The following NXN variants were observed in gnomAD, a reference collection of about 807,000 sequenced individuals.
The protein encoded by NXN is nucleoredoxin.
A neutral mutation model predicts 48.6 loss-of-function variants in NXN; 16 were observed. The observed-to-expected ratio is 0.33, with a 90% CI of 0.22 to 0.50. NXN has a LOEUF of 0.50. Among genes scored for constraint, NXN ranks in the 20% least tolerant of loss-of-function variants. The probability of loss-of-function intolerance (pLI) is 0.98; values close to 1 mark genes in which losing one functional copy is unlikely to be tolerated. For synonymous variants in NXN, 281 were observed against 269.6 expected (o/e 1.04, Z -0.41); for missense variants, 492 against 605.5 (o/e 0.81, Z 1.97).
At chr17:959,079 G>A (rs939090354) in intron 1 of NXN, 7 of 299,806 alleles carry the variant, frequency 2.3e-5, no homozygotes, top group South Asian at 7.3e-5. Flanking sequence ...CATCACGGGC[G>A]GTGTGGCTGG....
chr17:890,699 A>G (rs1388944214), intron 1 of NXN, among the ~76,000 whole-genome samples: 1 of 151,862 alleles, frequency 6.6e-6, no homozygotes, highest in Admixed American at 6.6e-5. Context: ...TTTCAAAATA[A>G]TATTTTTCTG....
intron 1 of NXN, among the ~76,000 whole-genome samples, chr17:907,277 T>C (rs2068589699): frequency 6.6e-6 from 1 of 152,080 alleles, no homozygotes; most frequent in African/African-American, 2.4e-5. Context: ...GAATTACCTG[T>C]GAATTTAGGT....
chr17:878,487 C>CG (rs2068244810), intron 1 of NXN, among the ~76,000 whole-genome samples: 1 of 7,326 alleles, frequency 1.4e-4, no homozygotes. Flanking sequence ...GGTGTGGGGG[C>CG]AGGGGAGGGG....
At chr17:851,307 A>G (rs1389601779) in intron 1 of NXN, among the ~76,000 whole-genome samples, 1 of 152,266 alleles carries the variant, frequency 6.6e-6, no homozygotes, top group Admixed American at 6.5e-5. Flanking sequence ...ACGCCAGGAC[A>G]AAAGACAGCG....
At chr17:915,382 C>T (rs2068678241) in intron 1 of NXN, among the ~76,000 whole-genome samples, 1 of 152,178 alleles carries the variant, frequency 6.6e-6, no homozygotes. Context: ...CTCCTGGGCT[C>T]AGACAATCCT....
rs1317762181 is a variant in NXN, at chr17:925,019, C to CT, written c.360+54299dup. On this transcript the variant is annotated intron_variant, in intron 1 of 7. Coordinates refer to ENST00000336868, the MANE Select transcript of NXN (RefSeq NM_022463.5). ...TTTGCTTTGAGGTTTGGCCCAGGGCCTTGGGAGCAGCCGGCGGATTCAGGT... is the reference window on the plus strand; with the variant it reads ...TTTGCTTTGAGGTTTGGCCCAGGGCCTTTGGGAGCAGCCGGCGGATTCAGGT... 5.3e-5 allele frequency among the ~76,000 whole-genome samples: 8 copies of CT among 152,340 alleles called. No individual in the cohort carries two copies. In the East Asian group the frequency reaches 1.5e-3, roughly 29 times the overall value.
At chr17:866,915 G>A (rs989942635) in intron 1 of NXN, among the ~76,000 whole-genome samples, 1 of 152,220 alleles carries the variant, frequency 6.6e-6, no homozygotes, top group African/African-American at 2.4e-5. Context: ...CTGCGGGTCA[G>A]AACATGTGAG....
At chr17:875,548 T>C (rs534003609) in intron 1 of NXN, among the ~76,000 whole-genome samples, 1 of 152,218 alleles carries the variant, frequency 6.6e-6, no homozygotes, top group South Asian at 2.1e-4. Context: ...GAAGATCGAA[T>C]CAGACTAGTG....
intron 1 of NXN, among the ~76,000 whole-genome samples, chr17:934,515 T>C (rs6598836): frequency 0.54 from 79,996 of 149,278 alleles, 22,399 homozygotes; most frequent in East Asian, 0.74. Flanking sequence ...TAGAAAGTCA[T>C]TTCTGGAAAA....
intron 1 of NXN, among the ~76,000 whole-genome samples, chr17:859,127 A>G (rs2068016743): frequency 1.3e-5 from 2 of 152,326 alleles, no homozygotes; most frequent in Non-Finnish European, 2.9e-5. Context: ...AAACGGAGCA[A>G]GCTATTCCAG....
chr17:922,188 T>A (rs2068756503), intron 1 of NXN, among the ~76,000 whole-genome samples: 1 of 152,184 alleles, frequency 6.6e-6, no homozygotes, highest in Non-Finnish European at 1.5e-5. Context: ...ACGTCTGTAA[T>A]CCTAACACTT....
chr17:924,143 A>G (rs2068774649), intron 1 of NXN, among the ~76,000 whole-genome samples: 1 of 151,874 alleles, frequency 6.6e-6, no homozygotes, highest in African/African-American at 2.4e-5. Context: ...TTCTGGGCTC[A>G]AGGGTCTTCC....
chr17:945,497 G>A (rs1375519595), intron 1 of NXN, among the ~76,000 whole-genome samples: 2 of 151,422 alleles, frequency 1.3e-5, no homozygotes, highest in African/African-American at 2.4e-5. Context: ...CGGGCGTGGT[G>A]GCGGGCGCCT....
intron 1 of NXN, among the ~76,000 whole-genome samples, chr17:877,058 T>G (rs1238295675): frequency 6.6e-6 from 1 of 150,788 alleles, no homozygotes; most frequent in Non-Finnish European, 1.5e-5. Flanking sequence ...CCAGCCTGGG[T>G]GACAGAGTGA....
chr17:890,491 A>T (rs556291440), intron 1 of NXN, among the ~76,000 whole-genome samples: 80 of 151,980 alleles, frequency 5.3e-4, no homozygotes, highest in African/African-American at 1.9e-3. Context: ...CTCCTGCCTC[A>T]GCCTCCCCAG....
At chr17:860,163 G>T (rs1429759920) in intron 1 of NXN, among the ~76,000 whole-genome samples, 2 of 152,118 alleles carry the variant, frequency 1.3e-5, no homozygotes, top group Non-Finnish European at 2.9e-5. Context: ...TTGCTCTGTT[G>T]CCTAGGTTGG....
At chr17:863,792 G>GA (rs1460265937) in intron 1 of NXN, 2 of 664,758 alleles carry the variant, frequency 3.0e-6, no homozygotes, top group African/African-American at 3.6e-5. Flanking sequence ...ACATCTGGTT[G>GA]AAAAAAGTCC....
At chr17:852,148 G>A (rs965194053) in intron 1 of NXN, among the ~76,000 whole-genome samples, 4 of 152,208 alleles carry the variant, frequency 2.6e-5, no homozygotes, top group Non-Finnish European at 2.9e-5. Context: ...CCAAGGCCCC[G>A]CAGCCTCTAG....
chr17:903,665 G>C (rs116465838), intron 1 of NXN, among the ~76,000 whole-genome samples: 1 of 152,172 alleles, frequency 6.6e-6, no homozygotes, highest in Admixed American at 6.5e-5. Flanking sequence ...TTCCAGGCGT[G>C]AGCCAGGACA....
Sources: gnomAD v4.1 joint callset for allele counts (sites outside exome capture counted in the v4.1 genomes callset) on GRCh38, gnomAD v4.1.1 for gene constraint, MANE v1.5 for transcripts, NCBI Gene and HGNC (gene_info 2026-07-23, HGNC 2026-07-21) for gene names.